CUX1: variants seen among roughly 807,000 people sequenced by gnomAD.
CUX1 encodes protein CASP.
CUX1 carries 31 observed loss-of-function variants against 158.8 expected under a neutral mutation model. The observed-to-expected ratio is 0.20, with a 90% CI of 0.15 to 0.26. CUX1 has a LOEUF of 0.26. Ranked by LOEUF, CUX1 falls within the 10% of genes least tolerant of loss-of-function variation. The pLI, the probability that CUX1 is intolerant of heterozygous loss-of-function variation, is 1.00. For synonymous variants in CUX1, 879 were observed against 862.1 expected (o/e 1.02, Z -0.34); for missense variants, 1,589 against 2,014.6 (o/e 0.79, Z 4.04).
intron 2 of CUX1, among the ~76,000 whole-genome samples, chr7:101,962,165 C>G (rs184118420): frequency 7.2e-5 from 11 of 152,320 alleles, no homozygotes; most frequent in African/African-American, 2.2e-4. Context: ...TCCCTTCCCC[C>G]CAAATACAGG....
At chr7:102,018,870 G>A (rs1256869527) in intron 2 of CUX1, among the ~76,000 whole-genome samples, 2 of 152,106 alleles carry the variant, frequency 1.3e-5, no homozygotes, top group Admixed American at 1.3e-4. Context: ...ATCACACATC[G>A]CAGGCATCTG....
intron 6 of CUX1, among the ~76,000 whole-genome samples, chr7:102,106,159 C>T (rs1395325860): frequency 5.1e-5 from 7 of 137,262 alleles, no homozygotes; most frequent in African/African-American, 1.9e-4. Context: ...GCAATCTTGG[C>T]TCACTGCAAC....
chr7:101,859,109 A>G (rs919269736), intron 1 of CUX1, among the ~76,000 whole-genome samples: 3 of 152,182 alleles, frequency 2.0e-5, no homozygotes, highest in Non-Finnish European at 4.4e-5. Context: ...ACTTCAGGCT[A>G]TAGTTTTGTT....
At chr7:101,954,437 T>G (rs1484172266) in intron 2 of CUX1, among the ~76,000 whole-genome samples, 1 of 152,240 alleles carries the variant, frequency 6.6e-6, no homozygotes, top group Non-Finnish European at 1.5e-5. Flanking sequence ...GTTGTAAATA[T>G]TTGTGTGGCT....
At chr7:102,122,953 G>A (rs782726838) in intron 8 of CUX1, among the ~76,000 whole-genome samples, 33 of 151,964 alleles carry the variant, frequency 2.2e-4, no homozygotes, top group Non-Finnish European at 7.4e-5. Flanking sequence ...AGAGGCAGCC[G>A]GGCACGGTGG....
At chr7:101,873,230 C>T (rs1798779051) in intron 1 of CUX1, among the ~76,000 whole-genome samples, 1 of 146,110 alleles carries the variant, frequency 6.8e-6, no homozygotes. Flanking sequence ...AGTACATGTG[C>T]AGGATGTACA....
chr7:102,247,540 C>T (rs2132604031), intron 23 of CUX1, among the ~76,000 whole-genome samples: 1 of 152,346 alleles, frequency 6.6e-6, no homozygotes, highest in Non-Finnish European at 1.5e-5. Context: ...GATAAGAACC[C>T]TGGCCAGAAG....
At chr7:102,057,200 C>T (rs1344617102) in intron 3 of CUX1, among the ~76,000 whole-genome samples, 7 of 152,164 alleles carry the variant, frequency 4.6e-5, no homozygotes, top group South Asian at 4.2e-4. Context: ...CGCGCCTAGC[C>T]GAAAGGTTCT....
Position 101,916,559 on chromosome 7 carries a change from A to G in CUX1, c.141+334A>G. On this transcript the variant is annotated intron_variant, in intron 2 of 23. Coordinates refer to ENST00000292535, the MANE Select transcript of CUX1 (RefSeq NM_181552.4). The surrounding 1 kb of genome is among the most constrained non-coding windows in gnomAD (Gnocchi z 4.4). ...CTCATCCCAGACCCTGTCCCATGTC[A>G]GTTAGCAAGCCACCAAAGTCCATAA... 7.6e-6 allele frequency: 2 copies of G among 264,868 alleles called. No homozygotes were observed. The highest frequency in any genetic ancestry group is 8.0e-5 in the South Asian group (2 of 25,122). The allele number at this position is 264,868 out of a possible 1,614,324, so 16.4% of individuals were successfully genotyped here.
chr7:102,239,061 A>G (rs1245792791), intron 22 of CUX1, among the ~76,000 whole-genome samples: 4 of 151,940 alleles, frequency 2.6e-5, no homozygotes, highest in Admixed American at 6.6e-5. Flanking sequence ...TGATTTTTGT[A>G]CTTTTAGTAG....
chr7:102,184,112 G>A (rs1375169801), intron 11 of CUX1, among the ~76,000 whole-genome samples: 1 of 152,010 alleles, frequency 6.6e-6, no homozygotes, highest in Non-Finnish European at 1.5e-5. Context: ...TGCCCAGGCT[G>A]GTGTCGAACT....
intron 2 of CUX1, among the ~76,000 whole-genome samples, chr7:101,973,194 T>C (rs1325548944): frequency 6.6e-6 from 1 of 152,156 alleles, no homozygotes. Context: ...TGGCAGAGGC[T>C]GGGCCCCTTT....
At chr7:102,169,746 T>C (rs1173359507) in intron 9 of CUX1, among the ~76,000 whole-genome samples, 1 of 152,164 alleles carries the variant, frequency 6.6e-6, no homozygotes, top group African/African-American at 2.4e-5. Flanking sequence ...CTGGGGGTGG[T>C]TGTTTCCTTG....
intron 7 of CUX1, among the ~76,000 whole-genome samples, chr7:102,112,571 GT>G (rs1554490500): frequency 2.3e-5 from 2 of 86,888 alleles, no homozygotes; most frequent in Admixed American, 9.5e-5. Context: ...GTTTTGTTTT[GT>G]TTTTGTTTTT....
intron 2 of CUX1, among the ~76,000 whole-genome samples, chr7:101,984,888 T>C (rs1227350643): frequency 6.6e-6 from 1 of 152,224 alleles, no homozygotes; most frequent in Non-Finnish European, 1.5e-5. Flanking sequence ...AGTTTCTAAC[T>C]TTTCAAATAA....
chr7:101,947,577 A>G (rs1808547570), intron 2 of CUX1, among the ~76,000 whole-genome samples: 1 of 152,212 alleles, frequency 6.6e-6, no homozygotes, highest in Admixed American at 6.5e-5. Context: ...TGGGGATGAA[A>G]TGAATTCCAT....
intron 2 of CUX1, among the ~76,000 whole-genome samples, chr7:102,018,388 C>T (rs1437908815): frequency 6.6e-6 from 1 of 152,234 alleles, no homozygotes; most frequent in African/African-American, 2.4e-5. Flanking sequence ...TCTCCCATTT[C>T]CTACCACTGA....
intron 20 of CUX1, among the ~76,000 whole-genome samples, chr7:102,223,482 C>A (rs917197985): frequency 6.6e-6 from 1 of 151,786 alleles, no homozygotes; most frequent in African/African-American, 2.4e-5. Context: ...GTGAGGGGAC[C>A]CTCTGTGCAG....
chr7:102,200,953 G>A (rs751317040), intron 17 of CUX1, among the ~76,000 whole-genome samples: 11 of 150,186 alleles, frequency 7.3e-5, no homozygotes, highest in Non-Finnish European at 1.3e-4. Context: ...AGCCAGGGAG[G>A]TGGAGGGTGG....
Sources: allele counts gnomAD v4.1 joint callset (sites outside exome capture counted in the v4.1 genomes callset), GRCh38; gene constraint gnomAD v4.1.1; non-coding constraint Gnocchi (gnomAD v3.1); transcripts MANE v1.5; gene names NCBI Gene and HGNC (gene_info 2026-07-23, HGNC 2026-07-21).